GREB1: variants seen among roughly 807,000 people sequenced by gnomAD.
GREB1 encodes growth regulating estrogen receptor binding 1, also known as protein GREB1.
A neutral mutation model predicts 200.7 loss-of-function variants in GREB1; 106 were observed. That is an observed-to-expected ratio of 0.53 (90% CI 0.45 to 0.62). GREB1 has a LOEUF of 0.62. Among genes scored for constraint, GREB1 ranks in the 20% least tolerant of loss-of-function variants. The pLI is 0.00. For missense variants in GREB1, 2,243 were observed against 2,556.8 expected (o/e 0.88, Z 2.65); for synonymous variants, 1,132 against 1,092.4 (o/e 1.04, Z -0.72).
intron 1 of GREB1, among the ~76,000 whole-genome samples, chr2:11,486,549 G>A (rs75439032): frequency 0.019 from 2,876 of 151,766 alleles, 93 homozygotes; most frequent in African/African-American, 0.066. Flanking sequence ...AAATACAGAA[G>A]AGTTAAAAAA....
chr2:11,507,176 A>C (rs894300211), intron 1 of GREB1, among the ~76,000 whole-genome samples: 2 of 152,242 alleles, frequency 1.3e-5, no homozygotes, highest in Admixed American at 6.5e-5. Flanking sequence ...TGGGAGGCCA[A>C]GGCAGGCGGA....
At chr2:11,620,106 A>C (rs1683879677) in intron 22 of GREB1, among the ~76,000 whole-genome samples, 1 of 152,154 alleles carries the variant, frequency 6.6e-6, no homozygotes, top group South Asian at 2.1e-4. Context: ...CCTCCCGAGT[A>C]GCTGGGACTA....
chr2:11,588,178 G>A (rs536583557), intron 9 of GREB1: 7 of 575,826 alleles, frequency 1.2e-5, no homozygotes, highest in East Asian at 1.3e-4. Flanking sequence ...GTGGTGAGCC[G>A]AGATCACGCC....
rs1047355958 is a variant in GREB1 at position 11,556,583 on chromosome 2, C to T, written c.-32C>T. 3.2e-6 allele frequency: 5 copies of T among 1,568,416 alleles called. No homozygotes were observed. Among genetic ancestry groups the T allele is most frequent in the Non-Finnish European group, 4.3e-6 (5 of 1,150,536 alleles). On this transcript the variant is annotated 5_prime_UTR_variant, in exon 2 of 33. Transcript: ENST00000381486. ...GGCTTTTGCACCGAATCTGAGATGC[C>T]ATTTTAAACAGAAGACTCCATCCTC...
At chr2:11,596,409 T>C (rs1572862738) in intron 13 of GREB1, among the ~76,000 whole-genome samples, 170 bp downstream of exon 13, 1 of 114,840 alleles carries the variant, frequency 8.7e-6, no homozygotes, top group African/African-American at 3.4e-5. Context: ...CACAGGTGTG[T>C]ACAGTGAGAG....
chr2:11,603,651 A>G (rs1346304639), intron 17 of GREB1, among the ~76,000 whole-genome samples: 1 of 152,232 alleles, frequency 6.6e-6, no homozygotes, highest in Non-Finnish European at 1.5e-5. Context: ...ATACTGATAG[A>G]AATTAATCAG....
intron 1 of GREB1, among the ~76,000 whole-genome samples, chr2:11,552,369 G>T (rs1675941293): frequency 6.6e-6 from 1 of 152,230 alleles, no homozygotes. Flanking sequence ...ACCACGGACA[G>T]AGAACGAGTG....
At chr2:11,552,575 C>T (rs534177110) in intron 1 of GREB1, among the ~76,000 whole-genome samples, 48 of 152,258 alleles carry the variant, frequency 3.2e-4, no homozygotes, top group South Asian at 2.3e-3. Context: ...GATGTACCTC[C>T]GCGGCAGGAC....
Position 11,511,096 on chromosome 2 carries a change from AG to A in GREB1, c.-159+28718del, listed in dbSNP as rs1283628836. Among the ~76,000 whole-genome samples the A allele has an allele frequency of 3.9e-5, 6 of 152,198 alleles. No homozygotes were observed. The South Asian group carries it at 1.2e-3, about 32-fold the overall frequency. ...GCAAACTCTTCACATTGGCTTCTGC[AG>A]GGCCAATGGTGAGGGCAGGCATGGG... is the stretch of plus-strand genomic sequence containing the variant. On this transcript the variant is annotated intron_variant, in intron 1 of 2. Coordinates refer to the GREB1 transcript ENST00000628795.
chr2:11,501,436 C>T (rs920407262), intron 1 of GREB1, among the ~76,000 whole-genome samples: 1 of 152,182 alleles, frequency 6.6e-6, no homozygotes, highest in Non-Finnish European at 1.5e-5. Flanking sequence ...CTCTGTTGCC[C>T]TGGCTGGAGT....
intron 1 of GREB1, among the ~76,000 whole-genome samples, chr2:11,505,293 C>T (rs1280712565): frequency 6.6e-6 from 1 of 152,074 alleles, no homozygotes; most frequent in Non-Finnish European, 1.5e-5. Flanking sequence ...AGTTTCCCAG[C>T]CTGCACTTGA....
chr2:11,611,058 G>T, intron 18 of GREB1, 31 bp downstream of exon 18: 1 of 1,500,528 alleles, frequency 6.7e-7, no homozygotes, highest in Non-Finnish European at 9.0e-7. Context: ...GGGGCGGAGG[G>T]CCTGGGGGTA....
chr2:11,632,905 C>T lies in GREB1; in HGVS notation c.4833C>T (p.Leu1611=), dbSNP rs779638342. 2.9e-5 allele frequency: 47 copies of T among 1,613,872 alleles called. 1 individual carries two copies. In the South Asian group the frequency reaches 4.9e-4, roughly 17 times the overall value. ...NSAGVGAAHF[L]IKELSYHNLE... ...CCACTGCAGGTGCTGCTCATTTCCT[C>T]ATCAAGGAGCTGTCCTACCATAACC... The change falls in exon 28 of 33, where the codon CTC becomes CTT. Residue 1611 remains leucine, a synonymous_variant. Coordinates refer to ENST00000381486, the MANE Select transcript of GREB1 (RefSeq NM_014668.4).
At chr2:11,605,410 G>C (rs1488454998) in intron 17 of GREB1, among the ~76,000 whole-genome samples, 2 of 151,806 alleles carry the variant, frequency 1.3e-5, no homozygotes, top group Admixed American at 1.3e-4. Flanking sequence ...AGTTTTAGTA[G>C]AGACGGGGTT....
intron 30 of GREB1, among the ~76,000 whole-genome samples, chr2:11,635,796 C>A (rs888192543): frequency 1.3e-5 from 2 of 152,146 alleles, no homozygotes; most frequent in African/African-American, 4.8e-5. Flanking sequence ...GTCCACTGGG[C>A]AGCCTCGGGG....
intron 1 of GREB1, among the ~76,000 whole-genome samples, chr2:11,543,590 G>A (rs988444957): frequency 2.0e-5 from 3 of 152,204 alleles, no homozygotes; most frequent in African/African-American, 7.2e-5. Flanking sequence ...AAAAGTGAAT[G>A]CTTTTACCAC....
At chr2:11,577,428 A>G (rs954897328) in intron 5 of GREB1, among the ~76,000 whole-genome samples, 2 of 152,254 alleles carry the variant, frequency 1.3e-5, no homozygotes, top group Non-Finnish European at 2.9e-5. Flanking sequence ...ATGGCCAGAA[A>G]GACCAGCTTC....
chr2:11,587,998 G>A, intron 9 of GREB1: 1 of 918,170 alleles, frequency 1.1e-6, no homozygotes, highest in Non-Finnish European at 1.3e-6. Flanking sequence ...GGCCGAGGCG[G>A]GTAGATCACT....
Position 11,548,837 on chromosome 2 carries a change from A to T in GREB1, c.-161-7617A>T, listed in dbSNP as rs1446377569. On this transcript the variant is annotated intron_variant, in intron 1 of 32. Transcript: ENST00000381486. This position sits in a 1 kb window ranked among gnomAD's most constrained non-coding sequence, Gnocchi z 5.1. ...GAGATAAATTGCTTTGAGATTTTGC[A>T]TTTCAGAAAATGGTTTTACTCTACT... is the stretch of plus-strand genomic sequence containing the variant. Among the ~76,000 whole-genome samples, 1 of 152,114 alleles carries T rather than the reference A, an allele frequency of 6.6e-6. No individual in the cohort carries two copies. The highest frequency in any genetic ancestry group is 6.5e-5 in the Admixed American group (1 of 15,278).
Sources: allele counts gnomAD v4.1 joint callset (sites outside exome capture counted in the v4.1 genomes callset), GRCh38; gene constraint gnomAD v4.1.1; non-coding constraint Gnocchi (gnomAD v3.1); transcripts MANE v1.5; gene names NCBI Gene and HGNC (gene_info 2026-07-23, HGNC 2026-07-21).